Variants in EVA1C observed in about 807,000 individuals in gnomAD.
EVA1C encodes eva-1 homolog C, also known as protein eva-1 homolog C.
EVA1C carries 25 observed loss-of-function variants against 45.4 expected under a neutral mutation model. The observed-to-expected ratio is 0.55, with a 90% confidence interval of 0.40 to 0.77. The LOEUF (loss-of-function observed/expected upper bound fraction) is 0.77. EVA1C is among the 30% of genes least tolerant of loss of function. The pLI is 0.00. For synonymous variants in EVA1C, 190 were observed against 221.2 expected (o/e 0.86, Z 1.25); for missense variants, 479 against 554.8 (o/e 0.86, Z 1.37).
Position 32,457,491 on chromosome 21 carries a change from G to A in EVA1C, c.358-106G>A, listed in dbSNP as rs905485193. On this transcript the variant is annotated intron_variant, in intron 2 of 7. Transcript: ENST00000300255. ...GGCCTTAGACACAGCTTGGCCAGGT[G>A]GGGAGGCGTCCTTCCCTTTGCAGAG... is the stretch of plus-strand genomic sequence containing the variant. The A allele has an allele frequency of 1.5e-5, 20 of 1,354,992 alleles. No homozygotes were observed. In the South Asian group the frequency reaches 2.4e-4, roughly 17 times the overall value. 83.9% of individuals were successfully genotyped at this position (1,354,992 alleles called of 1,614,324 possible). A position where few individuals can be genotyped will look rare whatever the true frequency, so the allele number is the denominator to read the frequency against.
At chr21:32,508,491 C>CTCCAGA (rs1185042569) in intron 7 of EVA1C, among the ~76,000 whole-genome samples, 4 of 152,212 alleles carry the variant, frequency 2.6e-5, no homozygotes, top group Admixed American at 2.0e-4. Context: ...CAAAAACACG[C>CTCCAGA]TCCAGAGTCA....
At chr21:32,457,753 G>C in intron 3 of EVA1C, 33 bp downstream of exon 3, 1 of 1,612,992 alleles carries the variant, frequency 6.2e-7, no homozygotes, top group Non-Finnish European at 8.5e-7. Flanking sequence ...AGTGTGTTTG[G>C]GGTGTGGTTC....
At chr21:32,480,956 C>T (rs1324109221) in intron 4 of EVA1C, among the ~76,000 whole-genome samples, 3 of 144,692 alleles carry the variant, frequency 2.1e-5, no homozygotes, top group African/African-American at 5.2e-5. Context: ...GAGCAAGTGC[C>T]GTCTCAAAAA....
chr21:32,480,227 G>A (rs1250427268), intron 4 of EVA1C, among the ~76,000 whole-genome samples: 1 of 148,784 alleles, frequency 6.7e-6, no homozygotes, highest in Admixed American at 6.9e-5. Flanking sequence ...CTTGAGCCCA[G>A]GAGTTGGAGG....
At chr21:32,459,492 C>CT (rs959264352) in intron 3 of EVA1C, among the ~76,000 whole-genome samples, 2 of 152,044 alleles carry the variant, frequency 1.3e-5, no homozygotes, top group Non-Finnish European at 2.9e-5. Context: ...CTTTGCCTTC[C>CT]TTTTTTTTCT....
rs751614975 is a variant in EVA1C, at chr21:32,495,187, G to A, written c.778+17G>A. 4.8e-5 allele frequency: 78 copies of A among 1,611,646 alleles called. 1 individual carries two copies. The highest frequency in any genetic ancestry group is 8.4e-5 in the Admixed American group (5 of 59,862). On this transcript the variant is annotated intron_variant, in intron 5 of 7. Transcript: ENST00000300255. ...ACGCATGTGGTAAGAACACACCCCC[G>A]ACCAGCTGCCTGATGACACTGCCTC...
chr21:32,512,819 C>G (rs1189749118), intron 7 of EVA1C, among the ~76,000 whole-genome samples: 1 of 151,868 alleles, frequency 6.6e-6, no homozygotes, highest in Non-Finnish European at 1.5e-5. Context: ...AACAGCATCA[C>G]AGAAGGAGAG....
intron 1 of EVA1C, among the ~76,000 whole-genome samples, chr21:32,449,482 G>C (rs1414487944): frequency 6.6e-6 from 1 of 152,240 alleles, no homozygotes; most frequent in Non-Finnish European, 1.5e-5. Flanking sequence ...AGCCTTTTCA[G>C]ATTGGCTTCT....
intron 7 of EVA1C, among the ~76,000 whole-genome samples, chr21:32,507,791 T>C (rs1426308734): frequency 6.6e-6 from 1 of 150,658 alleles, no homozygotes; most frequent in East Asian, 1.9e-4. Context: ...TCTCTGTGCA[T>C]ATGTGTATCT....
chr21:32,469,100 T>C (rs531444726), intron 4 of EVA1C, among the ~76,000 whole-genome samples: 38 of 152,304 alleles, frequency 2.5e-4, no homozygotes, highest in African/African-American at 9.1e-4. Context: ...GCACCTGCTG[T>C]ATGCTGGGCC....
chr21:32,423,364 A>G (rs572350504), intron 1 of EVA1C, among the ~76,000 whole-genome samples: 14 of 152,212 alleles, frequency 9.2e-5, no homozygotes, highest in Admixed American at 3.9e-4. Flanking sequence ...GTAGGGAAGA[A>G]TGGGAAACAG....
chr21:32,447,487 T>C (rs2035406640), intron 1 of EVA1C, among the ~76,000 whole-genome samples: 1 of 152,122 alleles, frequency 6.6e-6, no homozygotes, highest in African/African-American at 2.4e-5. Context: ...ATCACAATTA[T>C]TTAAAAATCT....
chr21:32,414,218 C>T (rs189286446), intron 1 of EVA1C, among the ~76,000 whole-genome samples: 2 of 152,314 alleles, frequency 1.3e-5, no homozygotes, highest in East Asian at 1.9e-4. Flanking sequence ...AAGCCACCCA[C>T]GGCCCTTAAA....
chr21:32,514,877 T>C lies in EVA1C; in HGVS notation c.1013T>C (p.Leu338Pro). 1 of 1,613,224 alleles carries C rather than the reference T, an allele frequency of 6.2e-7. No individual in the cohort carries two copies. The highest frequency in any genetic ancestry group is 1.3e-5 in the African/African-American group (1 of 74,992). The change falls in exon 8 of 8, where the codon CTG becomes CCG. Residue 338 changes from leucine to proline, a missense_variant. Leu to Pro is a moderately conservative substitution (Grantham distance 98, BLOSUM62 -3). Transcript: ENST00000300255. ...SSVCIGLALT[L>P]CALVIRESCA... Reference sequence around the variant, plus strand: ...GTCTGCATCGGCCTGGCCCTCACACTGTGCGCCCTGGTCATCAGAGAGTCC... The same window carrying C: ...GTCTGCATCGGCCTGGCCCTCACACCGTGCGCCCTGGTCATCAGAGAGTCC...
rs199554254 is a variant in EVA1C at position 32,502,040 on chromosome 21, C to CT, written c.859+548dup. Among the ~76,000 whole-genome samples, 429 of 101,640 alleles carry CT rather than the reference C, an allele frequency of 4.2e-3. 4 individuals are homozygous for CT. The highest frequency in any genetic ancestry group is 0.016 in the African/African-American group (415 of 25,890). 66.7% of individuals were successfully genotyped at this position (101,640 alleles called of 152,430 possible). A position where few individuals can be genotyped will look rare whatever the true frequency, so the allele number is the denominator to read the frequency against. ...TCTTTCTTTCTTTCTTTCTTTCTTT[C>CT]TTTCTTTCTTTCTTCTTTCTTTCTT... On this transcript the variant is annotated intron_variant, in intron 6 of 7. Coordinates refer to ENST00000300255, the MANE Select transcript of EVA1C (RefSeq NM_058187.5).
At chr21:32,436,546 A>G (rs934241661) in intron 1 of EVA1C, among the ~76,000 whole-genome samples, 2 of 152,304 alleles carry the variant, frequency 1.3e-5, no homozygotes, top group African/African-American at 4.8e-5. Flanking sequence ...GATGAGTAGA[A>G]AAGGCTGGGA....
chr21:32,484,869 A>G (rs2036917962), intron 4 of EVA1C, among the ~76,000 whole-genome samples: 1 of 151,976 alleles, frequency 6.6e-6, no homozygotes, highest in African/African-American at 2.4e-5. Context: ...TGCCATCTCC[A>G]TAGCCATTAC....
At chr21:32,456,587 C>A (rs1277786783) in intron 2 of EVA1C, among the ~76,000 whole-genome samples, 1 of 152,190 alleles carries the variant, frequency 6.6e-6, no homozygotes, top group Admixed American at 6.5e-5. Context: ...GCATTCTTCA[C>A]GGAGCTATTC....
Position 32,511,057 on chromosome 21 carries a change from C to CTCTCTATCTATG in EVA1C, c.950-3756_950-3755insCTCTATCTATGT, listed in dbSNP as rs1178272554. 2.8e-3 allele frequency among the ~76,000 whole-genome samples: 425 copies of CTCTCTATCTATG among 151,666 alleles called. 4 individuals carry two copies. Among genetic ancestry groups the CTCTCTATCTATG allele is most frequent in the African/African-American group, 9.7e-3 (402 of 41,306 alleles). ...TCTCTCTCTCTCCCTCTCTCTCTCT[C>CTCTCTATCTATG]TATCTATATGTATACACAATATATT... On this transcript the variant is annotated intron_variant, in intron 7 of 7. Coordinates refer to ENST00000300255, the MANE Select transcript of EVA1C (RefSeq NM_058187.5).
Sources: allele counts gnomAD v4.1 joint callset (sites outside exome capture counted in the v4.1 genomes callset), GRCh38; gene constraint gnomAD v4.1.1; transcripts MANE v1.5; gene names NCBI Gene and HGNC (gene_info 2026-07-23, HGNC 2026-07-21).